ADAMTS6: variants seen among roughly 807,000 people sequenced by gnomAD.
ADAMTS6 encodes the protein A disintegrin and metalloproteinase with thrombospondin motifs 6.
A neutral mutation model predicts 144.3 loss-of-function variants in ADAMTS6; 23 were observed. The ratio of observed to expected loss-of-function variants is 0.16; its 90% CI spans 0.11 to 0.23. The LOEUF is 0.23. ADAMTS6 is among the 10% of genes least tolerant of loss of function. The pLI, the probability that ADAMTS6 is intolerant of heterozygous loss-of-function variation, is 1.00. For synonymous variants in ADAMTS6, 444 were observed against 457.5 expected (o/e 0.97, Z 0.38); for missense variants, 999 against 1,379.6 (o/e 0.72, Z 4.37).
At chr5:65,338,772 C>T (rs542208749) in intron 7 of ADAMTS6, among the ~76,000 whole-genome samples, 26 of 152,288 alleles carry the variant, frequency 1.7e-4, no homozygotes, top group South Asian at 1.4e-3. Context: ...AAGAAACAGC[C>T]GTGTGGGCCA....
intron 20 of ADAMTS6, among the ~76,000 whole-genome samples, chr5:65,207,783 CTTCTG>C (rs1322497373): frequency 6.6e-6 from 1 of 152,236 alleles, no homozygotes; most frequent in Non-Finnish European, 1.5e-5. Context: ...CCATATGCCT[CTTCTG>C]TTCTGACTTG....
At chr5:65,412,524 T>C (rs1755136885) in intron 7 of ADAMTS6, among the ~76,000 whole-genome samples, 1 of 152,130 alleles carries the variant, frequency 6.6e-6, no homozygotes, top group Non-Finnish European at 1.5e-5. Context: ...AGTAATCGTA[T>C]TACTCTTACC....
chr5:65,421,084 T>C (rs1316269848), intron 7 of ADAMTS6, among the ~76,000 whole-genome samples: 4 of 152,212 alleles, frequency 2.6e-5, no homozygotes, highest in Non-Finnish European at 4.4e-5. Context: ...AATATTGAGA[T>C]ATGAGGTACT....
At chr5:65,398,781 CAAGA>C (rs199684759) in intron 7 of ADAMTS6, among the ~76,000 whole-genome samples, 6,464 of 106,134 alleles carry the variant, frequency 0.061, 254 homozygotes, top group East Asian at 0.1. Flanking sequence ...GAAGAGAGAG[CAAGA>C]AAGAAAGAAA....
chr5:65,252,380 C>T (rs55995740), intron 14 of ADAMTS6, among the ~76,000 whole-genome samples: 20,582 of 150,402 alleles, frequency 0.14, 2,156 homozygotes, highest in African/African-American at 0.29. Context: ...TAGCTGGGAT[C>T]ACAGGCGCCC....
intron 7 of ADAMTS6, among the ~76,000 whole-genome samples, chr5:65,397,372 C>T (rs1041778382): frequency 1.3e-4 from 19 of 151,770 alleles, no homozygotes; most frequent in African/African-American, 4.4e-4. Context: ...TTTAATTAGC[C>T]CTCCTTTATC....
chr5:65,385,998 A>G (rs752268987), intron 7 of ADAMTS6, among the ~76,000 whole-genome samples: 3 of 152,212 alleles, frequency 2.0e-5, no homozygotes, highest in Non-Finnish European at 4.4e-5. Context: ...TAAGCTGTTC[A>G]CGGCAACTAA....
chr5:65,408,505 C>T (rs1754768028), intron 7 of ADAMTS6, among the ~76,000 whole-genome samples: 1 of 152,082 alleles, frequency 6.6e-6, no homozygotes, highest in Admixed American at 6.6e-5. Context: ...AAAGCAAGTC[C>T]TTAGAGCCAT....
Position 65,455,280 on chromosome 5 carries a change from C to T in ADAMTS6, c.632-2362G>A, listed in dbSNP as rs574870688. Among the ~76,000 whole-genome samples, 138 of 152,302 alleles carry T rather than the reference C, an allele frequency of 9.1e-4. 1 individual carries two copies. The highest frequency in any genetic ancestry group is 1.6e-3 in the Non-Finnish European group (106 of 68,020). On this transcript the variant is annotated intron_variant, in intron 4 of 24. Coordinates refer to ENST00000381055, the MANE Select transcript of ADAMTS6 (RefSeq NM_197941.4). ...TATTCAGGTCGAGTGTGATGGCTCA[C>T]GCCCGTAATCCCAACACTTTGGGAG...
At chr5:65,193,300 T>C (rs575039416) in intron 21 of ADAMTS6, among the ~76,000 whole-genome samples, 2 of 151,858 alleles carry the variant, frequency 1.3e-5, no homozygotes, top group Non-Finnish European at 2.9e-5. Flanking sequence ...GGAAAAAATA[T>C]TCAGAACACA....
At chr5:65,180,205 A>G (rs1754258625) in intron 22 of ADAMTS6, among the ~76,000 whole-genome samples, 1 of 152,188 alleles carries the variant, frequency 6.6e-6, no homozygotes, top group African/African-American at 2.4e-5. Context: ...AAATATTAAC[A>G]AATTTTTCAG....
intron 14 of ADAMTS6, among the ~76,000 whole-genome samples, chr5:65,258,201 G>C (rs993527162): frequency 3.9e-5 from 6 of 152,116 alleles, no homozygotes; most frequent in African/African-American, 9.7e-5. Context: ...TTTAAGTTCA[G>C]TACTCAGAAT....
intron 7 of ADAMTS6, among the ~76,000 whole-genome samples, chr5:65,399,463 T>G (rs917951026): frequency 2.0e-5 from 3 of 152,234 alleles, no homozygotes; most frequent in Non-Finnish European, 2.9e-5. Flanking sequence ...TTTGTGGTTT[T>G]TAACAGAGCA....
chr5:65,459,428 C>A (rs1342677870), intron 4 of ADAMTS6, among the ~76,000 whole-genome samples: 7 of 152,160 alleles, frequency 4.6e-5, no homozygotes, highest in African/African-American at 1.7e-4. Context: ...TTTCATCTCT[C>A]ACAACCACTT....
intron 7 of ADAMTS6, among the ~76,000 whole-genome samples, chr5:65,383,444 G>T (rs1324811961): frequency 6.6e-6 from 1 of 152,106 alleles, no homozygotes; most frequent in Non-Finnish European, 1.5e-5. Context: ...GGAAGAAAGG[G>T]GTAGCTGGTT....
At chr5:65,348,425 T>C (rs536332467) in intron 7 of ADAMTS6, among the ~76,000 whole-genome samples, 2 of 152,270 alleles carry the variant, frequency 1.3e-5, no homozygotes, top group South Asian at 4.1e-4. Context: ...AAATACTGTA[T>C]GGTCTCATAT....
chr5:65,300,173 A>G, intron 9 of ADAMTS6, 42 bp from the exon 10 acceptor site: 1 of 1,580,264 alleles, frequency 6.3e-7, no homozygotes, highest in African/African-American at 1.4e-5. Flanking sequence ...TAAATAAGAA[A>G]AAAACCCCAA....
At chr5:65,154,268 A>G (rs1398773871) in intron 24 of ADAMTS6, among the ~76,000 whole-genome samples, 3 of 152,190 alleles carry the variant, frequency 2.0e-5, no homozygotes, top group African/African-American at 7.2e-5. Flanking sequence ...TGTTCCTTAG[A>G]TGAGTGCTAG....
At chr5:65,397,696 G>A (rs1251055344) in intron 7 of ADAMTS6, among the ~76,000 whole-genome samples, 1 of 151,468 alleles carries the variant, frequency 6.6e-6, no homozygotes, top group Non-Finnish European at 1.5e-5. Flanking sequence ...GTGCAACATG[G>A]AGAAACCTCG....
Sources: allele counts gnomAD v4.1 joint callset (sites outside exome capture counted in the v4.1 genomes callset), GRCh38; gene constraint gnomAD v4.1.1; transcripts MANE v1.5; gene names NCBI Gene and HGNC (gene_info 2026-07-23, HGNC 2026-07-21).